Variants in ZCWPW2 observed in about 807,000 individuals in gnomAD.
ZCWPW2 encodes zinc finger CW-type PWWP domain protein 2.
A neutral mutation model predicts 46.6 loss-of-function variants in ZCWPW2; 45 were observed. The ratio of observed to expected loss-of-function variants is 0.96; its 90% CI spans 0.76 to 1.24. The LOEUF (loss-of-function observed/expected upper bound fraction) is 1.24, where lower values mean the gene tolerates loss of function less well. Among genes scored for constraint, ZCWPW2 ranks in the 50% most tolerant of loss-of-function variants. ZCWPW2 has a pLI of 0.00. For missense variants in ZCWPW2, 429 were observed against 403.9 expected (o/e 1.06, Z -0.53); for synonymous variants, 152 against 137.1 (o/e 1.11, Z -0.76).
intron 2 of ZCWPW2, among the ~76,000 whole-genome samples, chr3:28,404,975 C>T (rs1575098097): frequency 6.6e-6 from 1 of 152,126 alleles, no homozygotes; most frequent in East Asian, 1.9e-4. Context: ...CAAATCACCA[C>T]TTAAGAACTT....
chr3:28,399,240 G>A (rs922552794), intron 2 of ZCWPW2, among the ~76,000 whole-genome samples: 1 of 152,048 alleles, frequency 6.6e-6, no homozygotes, highest in African/African-American at 2.4e-5. Flanking sequence ...GCTTTGACCT[G>A]GGAACCTTAC....
intron 8 of ZCWPW2, 67 bp downstream of exon 8, chr3:28,515,688 G>T: frequency 7.1e-7 from 1 of 1,401,334 alleles, no homozygotes; most frequent in Non-Finnish European, 9.8e-7. Context: ...TGTAGTTGTA[G>T]TCCTTTGAAG....
chr3:28,509,506 TA>T (rs1299460476), intron 6 of ZCWPW2, among the ~76,000 whole-genome samples: 1 of 152,134 alleles, frequency 6.6e-6, no homozygotes. Context: ...GTCTATTTTT[TA>T]AAAAAATATT....
intron 1 of ZCWPW2, among the ~76,000 whole-genome samples, chr3:28,382,396 A>G (rs905172064): frequency 6.6e-6 from 1 of 152,086 alleles, no homozygotes; most frequent in Admixed American, 6.6e-5. Context: ...TTCCAAGGAC[A>G]CTAGACATAT....
At chr3:28,384,130 A>G (rs895324109) in intron 1 of ZCWPW2, among the ~76,000 whole-genome samples, 3 of 152,092 alleles carry the variant, frequency 2.0e-5, no homozygotes, top group African/African-American at 7.2e-5. Flanking sequence ...TTAATAGTAG[A>G]ATATACTATA....
chr3:28,407,135 C>G (rs560956122), intron 2 of ZCWPW2, among the ~76,000 whole-genome samples: 1 of 152,276 alleles, frequency 6.6e-6, no homozygotes, highest in African/African-American at 2.4e-5. Flanking sequence ...CGAGTTTCCT[C>G]CTATGTGCTC....
intron 4 of ZCWPW2, among the ~76,000 whole-genome samples, chr3:28,444,570 C>T (rs991076849): frequency 1.2e-4 from 18 of 152,128 alleles, no homozygotes; most frequent in African/African-American, 3.6e-4. Flanking sequence ...CCAATCAATG[C>T]CTTCACTTTT....
intron 5 of ZCWPW2, among the ~76,000 whole-genome samples, chr3:28,479,905 C>T (rs554880456): frequency 7.2e-5 from 11 of 152,262 alleles, no homozygotes; most frequent in African/African-American, 2.6e-4. Context: ...ACCATATTTT[C>T]TTTATTGCAG....
At chr3:28,477,297 T>A (rs1368370962) in intron 4 of ZCWPW2, among the ~76,000 whole-genome samples, 6 of 152,196 alleles carry the variant, frequency 3.9e-5, no homozygotes, top group African/African-American at 1.4e-4. Flanking sequence ...AATTCATAGA[T>A]TATGTGTCCA....
Position 28,349,056 on chromosome 3 carries a change from G to C in ZCWPW2, c.-281G>C. 2.0e-6 allele frequency: 2 copies of C among 986,036 alleles called. No individual in the cohort carries two copies. The highest frequency in any genetic ancestry group is 2.4e-6 in the Non-Finnish European group (2 of 830,388). The allele number at this position is 986,036 out of a possible 1,614,324, so 61.1% of individuals were successfully genotyped here. ...GAAACCGGAAGTCAGGCCCGAGGGA[G>C]CTGGGAGGGCGTTAGCGAAGCCAGG... On this transcript the variant is annotated 5_prime_UTR_variant, in exon 1 of 10. Transcript: ENST00000383768.
intron 4 of ZCWPW2, among the ~76,000 whole-genome samples, chr3:28,459,849 A>C (rs1202502919): frequency 1.3e-5 from 2 of 152,192 alleles, no homozygotes; most frequent in Non-Finnish European, 2.9e-5. Context: ...TCTTTAAAAA[A>C]AATTGCCACA....
intron 4 of ZCWPW2, among the ~76,000 whole-genome samples, chr3:28,450,138 G>C (rs955273996): frequency 1.3e-4 from 20 of 152,164 alleles, no homozygotes; most frequent in Non-Finnish European, 2.9e-4. Context: ...TAAGGAGAGA[G>C]AACCTCTGAT....
chr3:28,446,331 C>T (rs546319778), intron 4 of ZCWPW2, among the ~76,000 whole-genome samples: 8 of 152,052 alleles, frequency 5.3e-5, no homozygotes, highest in South Asian at 4.2e-4. Flanking sequence ...AGTATTATCT[C>T]GGACCACAAT....
chr3:28,395,409 A>G (rs181583349), intron 2 of ZCWPW2, among the ~76,000 whole-genome samples: 1 of 152,270 alleles, frequency 6.6e-6, no homozygotes, highest in East Asian at 1.9e-4. Context: ...CTTCAAAGGT[A>G]TTTATCCAAA....
chr3:28,412,234 T>C (rs1192065049), intron 2 of ZCWPW2, among the ~76,000 whole-genome samples: 2 of 151,704 alleles, frequency 1.3e-5, no homozygotes, highest in Non-Finnish European at 2.9e-5. Flanking sequence ...TTTATTACTA[T>C]ATACTTTTTT....
rs1699511387 is a variant in ZCWPW2 at position 28,483,925 on chromosome 3, A to C, written c.610+4994A>C. On this transcript the variant is annotated intron_variant, in intron 5 of 9. Coordinates refer to ENST00000383768, the MANE Select transcript of ZCWPW2 (RefSeq NM_001040432.4). ...CTACATAGACAATCATATCATGTGC[A>C]GCGAGAGTTTTATTTCTTCTTTCCA... Among the ~76,000 whole-genome samples the C allele has an allele frequency of 2.6e-5, 4 of 152,260 alleles. No individual in the cohort carries two copies. In the South Asian group the frequency reaches 8.3e-4, roughly 32 times the overall value.
chr3:28,381,453 G>A (rs1695102312), intron 1 of ZCWPW2, among the ~76,000 whole-genome samples: 5 of 152,064 alleles, frequency 3.3e-5, no homozygotes. Flanking sequence ...CTGTCTTTAT[G>A]TTGAGTAGGC....
chr3:28,449,975 G>T (rs557113381), intron 4 of ZCWPW2, among the ~76,000 whole-genome samples: 1 of 152,196 alleles, frequency 6.6e-6, no homozygotes, highest in Non-Finnish European at 1.5e-5. Flanking sequence ...AAGTCTTGCT[G>T]TGCATTAGGA....
At chr3:28,353,330 A>G (rs1488414502) in intron 1 of ZCWPW2, among the ~76,000 whole-genome samples, 1 of 152,166 alleles carries the variant, frequency 6.6e-6, no homozygotes, top group Non-Finnish European at 1.5e-5. Context: ...TTTTTATTGT[A>G]GGGAAGTATG....
Sources: gnomAD v4.1 joint callset for allele counts (sites outside exome capture counted in the v4.1 genomes callset) on GRCh38, gnomAD v4.1.1 for gene constraint, MANE v1.5 for transcripts, NCBI Gene and HGNC (gene_info 2026-07-23, HGNC 2026-07-21) for gene names.